Variants in PPP1R12B observed in about 807,000 individuals in gnomAD.
PPP1R12B encodes the protein protein phosphatase 1 regulatory subunit 12B.
PPP1R12B carries 76 observed loss-of-function variants against 126.1 expected under a neutral mutation model. That is an observed-to-expected ratio of 0.60 (90% CI 0.50 to 0.73). PPP1R12B has a LOEUF of 0.73. PPP1R12B is among the 30% of genes least tolerant of loss of function. The probability of loss-of-function intolerance (pLI) is 0.00; values close to 1 mark genes in which losing one functional copy is unlikely to be tolerated. For missense variants in PPP1R12B, 1,052 were observed against 1,205.1 expected (o/e 0.87, Z 1.88); for synonymous variants, 356 against 434.7 (o/e 0.82, Z 2.25).
chr1:202,400,093 T>G (rs556292117), intron 1 of PPP1R12B, among the ~76,000 whole-genome samples: 66 of 152,196 alleles, frequency 4.3e-4, no homozygotes, highest in African/African-American at 1.6e-3. Flanking sequence ...AGCTCACACT[T>G]ATAAGTGAGA....
At chr1:202,455,944 A>C (rs915950936) in intron 13 of PPP1R12B, among the ~76,000 whole-genome samples, 4 of 152,132 alleles carry the variant, frequency 2.6e-5, no homozygotes, top group African/African-American at 9.7e-5. Flanking sequence ...AGTGGCTTGC[A>C]CTGAGATAAT....
At chr1:202,566,018 T>TGTCA (rs1005667308) in intron 21 of PPP1R12B, among the ~76,000 whole-genome samples, 2 of 152,218 alleles carry the variant, frequency 1.3e-5, no homozygotes, top group Admixed American at 1.3e-4. Flanking sequence ...TGCTGGTTCT[T>TGTCA]GTCAGTTATT....
chr1:202,446,661 G>A (rs1051435464), intron 12 of PPP1R12B, among the ~76,000 whole-genome samples: 1 of 151,004 alleles, frequency 6.6e-6, no homozygotes, highest in Non-Finnish European at 1.5e-5. Context: ...AATAATTACA[G>A]CTGCCATTTG....
rs535867812 is a variant in PPP1R12B at position 202,452,515 on chromosome 1, G to A, written c.1850+3344G>A. Among the ~76,000 whole-genome samples, 199 of 152,222 alleles carry A rather than the reference G, an allele frequency of 1.3e-3. 1 individual carries two copies. Among genetic ancestry groups the A allele is most frequent in the Non-Finnish European group, 2.3e-3 (158 of 68,018 alleles). The stretch of plus-strand genomic sequence containing the variant: ...GATGGCAGCAGTACAGTCCAGCTTC[G>A]GCTTGGCATCAGAGGGAGACCGTTT... On this transcript the variant is annotated intron_variant, in intron 13 of 23. Coordinates refer to ENST00000608999, the MANE Select transcript of PPP1R12B (RefSeq NM_002481.4).
At chr1:202,561,741 A>G (rs1687554293) in intron 19 of PPP1R12B, among the ~76,000 whole-genome samples, 1 of 152,212 alleles carries the variant, frequency 6.6e-6, no homozygotes, top group South Asian at 2.1e-4. Flanking sequence ...AGAATGTGGG[A>G]CTTAGCATCT....
At position 202,586,903 on chromosome 1, in the gene PPP1R12B, C is replaced by G. The variant is rs1042876822; in HGVS notation, c.*6343C>G. ...CTTGGATCTAGCTTATGTGCGTTCA[C>G]ATGCACATTTGCTAGCCCAGAGCTT... On this transcript the variant is annotated 3_prime_UTR_variant, in exon 24 of 24. Transcript: ENST00000608999. 6.6e-6 allele frequency: 1 copy of G among 152,256 alleles called. No individual in the cohort carries two copies. The highest frequency in any genetic ancestry group is 2.4e-5 in the African/African-American group (1 of 41,466). The allele number at this position is 152,256 out of a possible 1,614,324, so 9.4% of individuals were successfully genotyped here.
chr1:202,525,340 G>A (rs1021145910), intron 18 of PPP1R12B, among the ~76,000 whole-genome samples: 1 of 152,036 alleles, frequency 6.6e-6, no homozygotes, highest in African/African-American at 2.4e-5. Context: ...TATAGAAAAG[G>A]GAAGAGGGCC....
At chr1:202,468,723 G>A (rs1158171006) in intron 13 of PPP1R12B, among the ~76,000 whole-genome samples, 1 of 152,182 alleles carries the variant, frequency 6.6e-6, no homozygotes, top group African/African-American at 2.4e-5. Context: ...GGAGGCTGAG[G>A]CGGGCGGATC....
At chr1:202,479,757 T>C (rs1677123774) in intron 13 of PPP1R12B, among the ~76,000 whole-genome samples, 2 of 152,236 alleles carry the variant, frequency 1.3e-5, no homozygotes, top group African/African-American at 4.8e-5. Context: ...CAGTGTCATC[T>C]GAACTAATTA....
intron 1 of PPP1R12B, among the ~76,000 whole-genome samples, chr1:202,355,396 CTA>C: frequency 6.6e-6 from 1 of 152,202 alleles, no homozygotes; most frequent in Non-Finnish European, 1.5e-5. Flanking sequence ...GTTCCAAATT[CTA>C]TGATACCCTG....
intron 18 of PPP1R12B, among the ~76,000 whole-genome samples, chr1:202,506,685 A>G (rs1572324635): frequency 6.6e-6 from 1 of 152,238 alleles, no homozygotes; most frequent in African/African-American, 2.4e-5. Context: ...AGTTTGTGTT[A>G]GTGACTTGTG....
At chr1:202,538,385 A>G (rs1684770125) in intron 18 of PPP1R12B, among the ~76,000 whole-genome samples, 1 of 152,232 alleles carries the variant, frequency 6.6e-6, no homozygotes. Context: ...AGGACCCCTA[A>G]TAAAGGGGTT....
intron 1 of PPP1R12B, among the ~76,000 whole-genome samples, chr1:202,380,721 C>G (rs1662112469): frequency 6.6e-6 from 1 of 152,186 alleles, no homozygotes; most frequent in Non-Finnish European, 1.5e-5. Context: ...AATTATTACT[C>G]TGAACTTGAG....
At chr1:202,573,769 G>A (rs777528126) in intron 23 of PPP1R12B, among the ~76,000 whole-genome samples, 2 of 152,086 alleles carry the variant, frequency 1.3e-5, no homozygotes, top group Non-Finnish European at 2.9e-5. Flanking sequence ...ATTCTGTTCC[G>A]CTTGCAACAC....
At chr1:202,493,625 C>T (rs1302734642) in intron 15 of PPP1R12B, among the ~76,000 whole-genome samples, 1 of 152,206 alleles carries the variant, frequency 6.6e-6, no homozygotes, top group Non-Finnish European at 1.5e-5. Context: ...TTACTTTACT[C>T]AATACATGCT....
intron 1 of PPP1R12B, among the ~76,000 whole-genome samples, chr1:202,373,389 G>T (rs1308477298): frequency 6.6e-6 from 1 of 151,958 alleles, no homozygotes; most frequent in African/African-American, 2.4e-5. Flanking sequence ...AGAAACTATT[G>T]CCTCTTCCCA....
At chr1:202,378,233 A>AAGTTGTCT (rs1242671957) in intron 1 of PPP1R12B, among the ~76,000 whole-genome samples, 1 of 144,328 alleles carries the variant, frequency 6.9e-6, no homozygotes, top group Non-Finnish European at 1.5e-5. Context: ...AAAATGCCTC[A>AAGTTGTCT]AGTTGTCTTC....
intron 1 of PPP1R12B, among the ~76,000 whole-genome samples, chr1:202,389,660 C>T (rs769482462): frequency 5.3e-5 from 8 of 150,186 alleles, no homozygotes; most frequent in Non-Finnish European, 8.9e-5. Flanking sequence ...CATGGAAGGC[C>T]GGGCGAGGTG....
At chr1:202,446,116 T>G (rs1282487048) in intron 12 of PPP1R12B, among the ~76,000 whole-genome samples, 1 of 151,276 alleles carries the variant, frequency 6.6e-6, no homozygotes, top group Non-Finnish European at 1.5e-5. Context: ...GTAAATTTAT[T>G]AGGTCCTTAT....
Sources: gnomAD v4.1 joint callset for allele counts (sites outside exome capture counted in the v4.1 genomes callset) on GRCh38, gnomAD v4.1.1 for gene constraint, MANE v1.5 for transcripts, NCBI Gene and HGNC (gene_info 2026-07-23, HGNC 2026-07-21) for gene names.